The following NPSR1 variants were observed in gnomAD, a reference collection of about 807,000 sequenced individuals.
NPSR1 encodes the protein neuropeptide S receptor 1, also known as neuropeptide S receptor.
NPSR1 carries 48 observed loss-of-function variants against 46.9 expected under a neutral mutation model. The ratio of observed to expected loss-of-function variants is 1.02; its 90% confidence interval spans 0.81 to 1.30. The LOEUF is 1.30. Ranked by LOEUF, NPSR1 falls within the 50% of genes most tolerant of loss-of-function variation. The probability of loss-of-function intolerance (pLI) is 0.00; values close to 1 mark genes in which losing one functional copy is unlikely to be tolerated. For missense variants in NPSR1, 450 were observed against 449.5 expected, an observed-to-expected ratio of 1.00 and a Z score of -0.01; for synonymous variants, 176 against 168.1, an observed-to-expected ratio of 1.05 and a Z score of -0.36.
intron 8 of NPSR1, among the ~76,000 whole-genome samples, chr7:34,859,408 GT>G (rs1172991800): frequency 6.6e-6 from 1 of 151,380 alleles, no homozygotes; most frequent in Non-Finnish European, 1.5e-5. Flanking sequence ...GCCCTTCCTT[GT>G]CCCCCAGAGT....
chr7:34,841,741 G>A (rs1045573062), intron 6 of NPSR1, among the ~76,000 whole-genome samples: 4 of 152,172 alleles, frequency 2.6e-5, no homozygotes, highest in African/African-American at 9.7e-5. Context: ...CAGTTGCCCT[G>A]TGGGAAGCAC....
intron 8 of NPSR1, among the ~76,000 whole-genome samples, chr7:34,874,177 G>T (rs1275529390): frequency 6.6e-6 from 1 of 152,144 alleles, no homozygotes; most frequent in Non-Finnish European, 1.5e-5. Flanking sequence ...AGTCAGCTAA[G>T]GGGAGCCTTG....
intron 2 of NPSR1, among the ~76,000 whole-genome samples, chr7:34,718,384 A>G (rs1165930471): frequency 6.6e-6 from 1 of 152,230 alleles, no homozygotes; most frequent in Non-Finnish European, 1.5e-5. Context: ...AGAATGAAAA[A>G]GACAAAGGAC....
intron 3 of NPSR1, among the ~76,000 whole-genome samples, chr7:34,802,352 T>A (rs62462936): frequency 0.12 from 18,738 of 150,148 alleles, 1,640 homozygotes; most frequent in Non-Finnish European, 0.17. Flanking sequence ...AGCATGGTAC[T>A]GGTACCAAAA....
At chr7:34,823,801 ATGTTATT>A (rs978796302) in intron 4 of NPSR1, among the ~76,000 whole-genome samples, 17 of 152,148 alleles carry the variant, frequency 1.1e-4, no homozygotes, top group Non-Finnish European at 8.8e-5. Context: ...ACCGGAAAAA[ATGTTATT>A]TATCAGTGCT....
At chr7:34,848,311 G>A (rs1415627676) in intron 7 of NPSR1, among the ~76,000 whole-genome samples, 172 bp from the exon 8 acceptor site, 3 of 152,166 alleles carry the variant, frequency 2.0e-5, no homozygotes, top group Non-Finnish European at 2.9e-5. Flanking sequence ...ATATATGTGT[G>A]TATGTGTTTA....
At chr7:34,747,239 C>G (rs118172693) in intron 2 of NPSR1, among the ~76,000 whole-genome samples, 1 of 151,988 alleles carries the variant, frequency 6.6e-6, no homozygotes, top group Non-Finnish European at 1.5e-5. Flanking sequence ...GAGAACATCA[C>G]AAGCAAGGGC....
chr7:34,790,881 TTA>T (rs1787755663), intron 3 of NPSR1, among the ~76,000 whole-genome samples: 1 of 135,090 alleles, frequency 7.4e-6, no homozygotes, highest in Non-Finnish European at 1.5e-5. Flanking sequence ...ATATGTTATA[TTA>T]TATATCATAT....
intron 8 of NPSR1, among the ~76,000 whole-genome samples, chr7:34,877,674 A>G (rs4000112): frequency 1.1e-4 from 16 of 152,192 alleles, no homozygotes; most frequent in East Asian, 1.9e-4. Flanking sequence ...ACAGATATGG[A>G]AGAACATGTT....
chr7:34,847,081 T>C (rs769630060), intron 7 of NPSR1, among the ~76,000 whole-genome samples: 1 of 152,268 alleles, frequency 6.6e-6, no homozygotes, highest in Admixed American at 6.5e-5. Context: ...CCAGAACACT[T>C]AGTGGGTTTT....
intron 2 of NPSR1, among the ~76,000 whole-genome samples, chr7:34,693,111 G>A (rs971429148): frequency 2.4e-4 from 37 of 152,070 alleles, no homozygotes; most frequent in African/African-American, 8.5e-4. Flanking sequence ...CTGGCCATGT[G>A]ATGTGCCTGC....
intron 1 of NPSR1, among the ~76,000 whole-genome samples, chr7:34,659,904 T>C (rs1381294513): frequency 1.3e-5 from 2 of 152,096 alleles, no homozygotes. Context: ...CTCTTTGATA[T>C]TCTTAGAACA....
chr7:34,860,992 G>T (rs1295428460), intron 8 of NPSR1, among the ~76,000 whole-genome samples: 1 of 151,926 alleles, frequency 6.6e-6, no homozygotes, highest in East Asian at 1.9e-4. Flanking sequence ...GCTGGATGAG[G>T]CAGGCAAGCT....
At chr7:34,838,666 C>T (rs934484750) in intron 6 of NPSR1, among the ~76,000 whole-genome samples, 3 of 152,292 alleles carry the variant, frequency 2.0e-5, no homozygotes, top group Non-Finnish European at 4.4e-5. Context: ...ACTCTTCTTA[C>T]TGGCAAATAT....
At chr7:34,685,237 G>A (rs577978610) in intron 2 of NPSR1, among the ~76,000 whole-genome samples, 2 of 152,296 alleles carry the variant, frequency 1.3e-5, no homozygotes, top group Middle Eastern at 3.4e-3. Flanking sequence ...GTAGAAGAGT[G>A]AGCACAGCAC....
At chr7:34,715,169 C>T (rs935966050) in intron 2 of NPSR1, among the ~76,000 whole-genome samples, 4 of 152,270 alleles carry the variant, frequency 2.6e-5, no homozygotes, top group South Asian at 2.1e-4. Flanking sequence ...ATGACGGCCT[C>T]ATAATTTAGG....
intron 3 of NPSR1, among the ~76,000 whole-genome samples, chr7:34,789,229 T>C (rs1040065413): frequency 6.6e-5 from 10 of 151,710 alleles, no homozygotes; most frequent in South Asian, 2.1e-4. Context: ...TATTACAACT[T>C]AAGTAACTAG....
downstream of NPSR1, chr7:34,850,085 A>T: frequency 6.8e-6 from 5 of 733,502 alleles, no homozygotes; most frequent in South Asian, 3.0e-4. Context: ...CCAGTTTTGG[A>T]TTGGAGGTTC....
At chr7:34,806,346 G>T (rs146508432) in intron 3 of NPSR1, among the ~76,000 whole-genome samples, 3,159 of 152,084 alleles carry the variant, frequency 0.021, 46 homozygotes, top group Non-Finnish European at 0.034. Context: ...TAACAAAATG[G>T]GCTATCCAGC....
Sources: allele counts gnomAD v4.1 joint callset (sites outside exome capture counted in the v4.1 genomes callset), GRCh38; gene constraint gnomAD v4.1.1; transcripts MANE v1.5; gene names NCBI Gene and HGNC (gene_info 2026-07-23, HGNC 2026-07-21).